The following FGGY variants were observed in gnomAD, a reference collection of about 807,000 sequenced individuals.
FGGY encodes FGGY carbohydrate kinase domain-containing protein.
In FGGY, 72 loss-of-function variants were observed where a neutral mutation model predicts 71.3. The ratio of observed to expected loss-of-function variants is 1.01; its 90% CI spans 0.84 to 1.23. The LOEUF (loss-of-function observed/expected upper bound fraction) is 1.23, where lower values mean the gene tolerates loss of function less well. Ranked by LOEUF, FGGY falls within the 50% of genes most tolerant of loss-of-function variation. The probability of loss-of-function intolerance (pLI) is 0.00; values close to 1 mark genes in which losing one functional copy is unlikely to be tolerated. For synonymous variants in FGGY, 251 were observed against 250.3 expected (o/e 1.00, Z -0.02); for missense variants, 668 against 682.3 (o/e 0.98, Z 0.23).
chr1:59,587,553 G>A (rs113518006), intron 8 of FGGY, among the ~76,000 whole-genome samples: 2 of 152,122 alleles, frequency 1.3e-5, no homozygotes, highest in Non-Finnish European at 2.9e-5. Flanking sequence ...CCCCCAGTAG[G>A]GGCAGACTGA....
intron 8 of FGGY, among the ~76,000 whole-genome samples, chr1:59,589,958 A>C (rs1237365220): frequency 3.3e-5 from 5 of 152,150 alleles, no homozygotes; most frequent in African/African-American, 9.7e-5. Flanking sequence ...TGAAGGAAAT[A>C]GAGACATAAA....
At chr1:59,350,889 G>A (rs2153224055) in intron 4 of FGGY, among the ~76,000 whole-genome samples, 1 of 152,232 alleles carries the variant, frequency 6.6e-6, no homozygotes, top group African/African-American at 2.4e-5. Context: ...TTACATCCTA[G>A]CTCACTATAT....
At chr1:59,600,983 T>C (rs1456839883) in intron 8 of FGGY, among the ~76,000 whole-genome samples, 5 of 103,120 alleles carry the variant, frequency 4.8e-5, no homozygotes, top group Non-Finnish European at 3.7e-5. Context: ...TTCTCTATGC[T>C]TTTTTTTTTT....
chr1:59,579,596 C>T (rs1160636944), intron 8 of FGGY, among the ~76,000 whole-genome samples: 1 of 152,142 alleles, frequency 6.6e-6, no homozygotes, highest in Non-Finnish European at 1.5e-5. Flanking sequence ...TCATCCCTCT[C>T]TTTTTCTCAT....
chr1:59,419,196 G>A (rs191336500), intron 5 of FGGY, among the ~76,000 whole-genome samples: 6 of 152,282 alleles, frequency 3.9e-5, no homozygotes, highest in Admixed American at 1.3e-4. Flanking sequence ...GCAAGAAGCC[G>A]TCAAATATTT....
At chr1:59,463,524 A>G (rs2092402685) in intron 6 of FGGY, among the ~76,000 whole-genome samples, 1 of 152,190 alleles carries the variant, frequency 6.6e-6, no homozygotes, top group Admixed American at 6.5e-5. Context: ...TTAACCTTAA[A>G]TTTAAATGGG....
chr1:59,459,063 T>C (rs2091962956), intron 6 of FGGY, among the ~76,000 whole-genome samples: 1 of 152,228 alleles, frequency 6.6e-6, no homozygotes, highest in Admixed American at 6.5e-5. Flanking sequence ...CGTCCTGGAT[T>C]TGAGCATTAA....
rs188485381 is a variant in FGGY, at chr1:59,591,665, C to G, written c.904-16138C>G. On this transcript the variant is annotated intron_variant, in intron 8 of 15. Coordinates refer to ENST00000303721, the MANE Select transcript of FGGY (RefSeq NM_018291.5). The stretch of plus-strand genomic sequence containing the variant: ...CTATAACTACCTGATCTTTGACATA[C>G]CTGAGAAAAACAAGCAATGGGGAAA... Among the ~76,000 whole-genome samples the G allele has an allele frequency of 3.3e-3, 496 of 152,222 alleles. 4 individuals are homozygous for G. The highest frequency in any genetic ancestry group is 0.011 in the African/African-American group (475 of 41,534).
chr1:59,375,265 G>GAAAAAAAAAAAAAAAAAAAAAA (rs1289366742), intron 4 of FGGY, among the ~76,000 whole-genome samples: 1 of 99,828 alleles, frequency 1.0e-5, no homozygotes, highest in African/African-American at 3.5e-5. Context: ...TCTCAAAAAA[G>GAAAAAAAAAAAAAAAAAAAAAA]AAAAAAAAAA....
chr1:59,499,907 G>GTA (rs1298787367), intron 6 of FGGY, among the ~76,000 whole-genome samples: 4 of 152,004 alleles, frequency 2.6e-5, no homozygotes, highest in African/African-American at 4.8e-5. Context: ...TTTTATTCAT[G>GTA]TATATATATG....
intron 4 of FGGY, among the ~76,000 whole-genome samples, chr1:59,366,906 A>G (rs2056688827): frequency 6.6e-6 from 1 of 152,192 alleles, no homozygotes; most frequent in Admixed American, 6.5e-5. Flanking sequence ...GCTGTAACAG[A>G]GGACTGGAAA....
At chr1:59,353,258 G>C (rs1557645620) in intron 4 of FGGY, among the ~76,000 whole-genome samples, 1 of 152,026 alleles carries the variant, frequency 6.6e-6, no homozygotes, top group Non-Finnish European at 1.5e-5. Context: ...ATACTCAAAT[G>C]GTACTTTATT....
intron 4 of FGGY, among the ~76,000 whole-genome samples, chr1:59,374,457 G>T (rs1393463192): frequency 6.6e-6 from 1 of 152,176 alleles, no homozygotes; most frequent in Non-Finnish European, 1.5e-5. Flanking sequence ...CTGTTGTTGG[G>T]ACTGTAAACT....
At chr1:59,438,196 T>C (rs752740016) in intron 5 of FGGY, among the ~76,000 whole-genome samples, 12 of 152,320 alleles carry the variant, frequency 7.9e-5, no homozygotes, top group Non-Finnish European at 1.5e-4. Context: ...ATGGAGAGTT[T>C]CAGAGAGTTG....
intron 6 of FGGY, among the ~76,000 whole-genome samples, chr1:59,508,174 G>T (rs2153623475): frequency 6.6e-6 from 1 of 152,196 alleles, no homozygotes; most frequent in South Asian, 2.1e-4. Context: ...CACCCTAACT[G>T]GACCCTCCAC....
chr1:59,347,134 T>C (rs1243175945), intron 4 of FGGY, among the ~76,000 whole-genome samples: 2 of 150,324 alleles, frequency 1.3e-5, no homozygotes, highest in Admixed American at 6.7e-5. Flanking sequence ...TTAGGGTACA[T>C]GTGCACAACG....
Position 59,493,139 on chromosome 1 carries a change from A to AAAC in FGGY, c.671-19171_671-19170insACA, listed in dbSNP as rs1558116359. 2.0e-5 allele frequency among the ~76,000 whole-genome samples: 3 copies of AAAC among 150,340 alleles called. No individual in the cohort carries two copies. In the East Asian group the frequency reaches 5.9e-4, roughly 30 times the overall value. On this transcript the variant is annotated intron_variant, in intron 6 of 15. Transcript: ENST00000303721. ...CACACACACACACACACAAAACAGA[A>AAAC]AGTAAGTGTTGGTGAAGATGTGGAG...
chr1:59,348,059 T>TGG (rs2153222301), intron 4 of FGGY, among the ~76,000 whole-genome samples: 1 of 152,290 alleles, frequency 6.6e-6, no homozygotes, highest in Non-Finnish European at 1.5e-5. Flanking sequence ...TCTACTCATC[T>TGG]GACAAAGGGC....
At chr1:59,310,694 G>A (rs1009416314) in intron 1 of FGGY, among the ~76,000 whole-genome samples, 4 of 152,246 alleles carry the variant, frequency 2.6e-5, no homozygotes, top group South Asian at 2.1e-4. Context: ...TTCACTTGTC[G>A]GGTGGACCCT....
Sources: gnomAD v4.1 joint callset for allele counts (sites outside exome capture counted in the v4.1 genomes callset) on GRCh38, gnomAD v4.1.1 for gene constraint, MANE v1.5 for transcripts, NCBI Gene and HGNC (gene_info 2026-07-23, HGNC 2026-07-21) for gene names.